HK1: variants seen among roughly 807,000 people sequenced by gnomAD.
The protein encoded by HK1 is hexokinase 1, also known as hexokinase-1.
HK1 carries 28 observed loss-of-function variants against 91.6 expected under a neutral mutation model. The observed-to-expected ratio is 0.31, with a 90% CI of 0.23 to 0.42. HK1 has a LOEUF of 0.42. HK1 is among the 10% of genes least tolerant of loss of function. HK1 has a pLI of 1.00. For synonymous variants in HK1, 430 were observed against 468.1 expected, an observed-to-expected ratio of 0.92 and a Z score of 1.05; for missense variants, 770 against 1,219.8, an observed-to-expected ratio of 0.63 and a Z score of 5.49.
At chr10:69,306,726 T>A (rs1846126382) in intron 5 of HK1, among the ~76,000 whole-genome samples, 2 of 152,150 alleles carry the variant, frequency 1.3e-5, no homozygotes, top group Non-Finnish European at 2.9e-5. Flanking sequence ...CAGTGTACAT[T>A]GTTTGGGTGA....
In HK1 at chr10:69,293,856, T is replaced by C. The variant is rs990282922; in HGVS notation, c.-114-1777T>C. ...CCCGAAGCACAAGCATATTTCTTTCTTTTTTTTTTTTTTTTTTTTTTTTGA... is the reference window on the plus strand; with the variant it reads ...CCCGAAGCACAAGCATATTTCTTTCCTTTTTTTTTTTTTTTTTTTTTTTGA... On this transcript the variant is annotated intron_variant, in intron 3 of 21. Transcript: ENST00000360289. 3.3e-4 allele frequency among the ~76,000 whole-genome samples: 10 copies of C among 30,242 alleles called. 1 individual carries two copies. In the East Asian group the frequency reaches 9.9e-3, roughly 30 times the overall value. 19.8% of individuals were successfully genotyped at this position (30,242 alleles called of 152,430 possible).
At chr10:69,313,495 T>G (rs1846477676), upstream of HK1, among the ~76,000 whole-genome samples, 1 of 152,190 alleles carries the variant, frequency 6.6e-6, no homozygotes, top group Admixed American at 6.5e-5. Flanking sequence ...GGAATTTCGC[T>G]TTTGTGGCCC....
At chr10:69,297,203 T>C (rs537910381) in intron 4 of HK1, among the ~76,000 whole-genome samples, 5 of 152,330 alleles carry the variant, frequency 3.3e-5, no homozygotes, top group Admixed American at 6.5e-5. Context: ...TACAATAAAG[T>C]AAGCTAGAGA....
intron 2 of HK1, among the ~76,000 whole-genome samples, chr10:69,356,291 A>G (rs1194174056): frequency 6.6e-6 from 1 of 151,948 alleles, no homozygotes; most frequent in Non-Finnish European, 1.5e-5. Flanking sequence ...AAAATTAGCC[A>G]GGTGTGGTCG....
chr10:69,364,926 G>T (rs1269351999), intron 4 of HK1, 24 bp downstream of exon 4: 1 of 1,613,800 alleles, frequency 6.2e-7, no homozygotes, highest in African/African-American at 1.3e-5. Context: ...GGGATTATCG[G>T]GCTCTGCAGA....
At chr10:69,322,226 T>A (rs1396950110) in intron 1 of HK1, among the ~76,000 whole-genome samples, 1 of 152,186 alleles carries the variant, frequency 6.6e-6, no homozygotes, top group Non-Finnish European at 1.5e-5. Flanking sequence ...GCCAGTGGAT[T>A]TTCTCTGGGC....
chr10:69,338,941 G>T (rs1050716934), intron 1 of HK1, among the ~76,000 whole-genome samples: 2 of 152,124 alleles, frequency 1.3e-5, no homozygotes, highest in African/African-American at 4.8e-5. Context: ...TTCTGGCAGA[G>T]ATCTGGAGCA....
At chr10:69,309,110 G>C (rs899560199) in intron 5 of HK1, among the ~76,000 whole-genome samples, 10 of 152,132 alleles carry the variant, frequency 6.6e-5, no homozygotes, top group African/African-American at 2.4e-4. Flanking sequence ...AGGAGTTCGA[G>C]ATTGCAGTGA....
At chr10:69,386,208 T>C (rs1013741175) in intron 12 of HK1, 115 bp from the exon 13 acceptor site, 13 of 778,152 alleles carry the variant, frequency 1.7e-5, no homozygotes, top group Non-Finnish European at 2.7e-5. Context: ...TTGAACTCCG[T>C]CTCCGATGTT....
intron 1 of HK1, among the ~76,000 whole-genome samples, chr10:69,282,303 CA>C (rs1844788346): frequency 1.3e-5 from 2 of 152,170 alleles, no homozygotes; most frequent in South Asian, 4.1e-4. Context: ...TCTGTCCCCA[CA>C]CCCAAGGTTT....
In HK1 at chr10:69,380,158, A is replaced by G; in HGVS notation, c.1265+63A>G. On this transcript the variant is annotated intron_variant, in intron 9 of 17. Coordinates refer to ENST00000359426, the MANE Select transcript of HK1 (RefSeq NM_000188.3). This position sits in a 1 kb window ranked among gnomAD's most constrained non-coding sequence, Gnocchi z 4.0. ...CATTGTGGGTAGGGACCTTCTCCAG[A>G]GATCAGACTTTTGTACCCGGTAAAC... The G allele has an allele frequency of 7.4e-7, 1 of 1,354,744 alleles. No individual in the cohort carries two copies. Among genetic ancestry groups the G allele is most frequent in the South Asian group, 1.2e-5 (1 of 85,234 alleles). The allele number at this position is 1,354,744 out of a possible 1,614,324, so 83.9% of individuals were successfully genotyped here. A position where few individuals can be genotyped will look rare whatever the true frequency, so the allele number is the denominator to read the frequency against.
At chr10:69,381,510 G>C (rs1009685333) in intron 9 of HK1, among the ~76,000 whole-genome samples, 5 of 149,738 alleles carry the variant, frequency 3.3e-5, no homozygotes, top group Admixed American at 6.6e-5. Context: ...TTAGATTGTG[G>C]TAAAATACAC....
chr10:69,379,183 C>A (rs1839263542), intron 8 of HK1, among the ~76,000 whole-genome samples: 1 of 151,930 alleles, frequency 6.6e-6, no homozygotes, highest in South Asian at 2.1e-4. Flanking sequence ...AAAAAGATGT[C>A]TGGAGATAAG....
intron 2 of HK1, among the ~76,000 whole-genome samples, chr10:69,288,375 G>A (rs894555628): frequency 2.0e-5 from 3 of 152,144 alleles, no homozygotes; most frequent in Non-Finnish European, 4.4e-5. Context: ...TTAGGAGGCT[G>A]AAGTGGGAGG....
chr10:69,369,649 A>G lies in HK1; in HGVS notation c.875+25A>G, dbSNP rs1849896682. 2.5e-6 allele frequency: 4 copies of G among 1,604,510 alleles called. No individual in the cohort carries two copies. The East Asian group carries it at 8.9e-5, about 36-fold the overall frequency. On this transcript the variant is annotated intron_variant, in intron 7 of 17. Transcript: ENST00000359426. The surrounding 1 kb of genome is among the most constrained non-coding windows in gnomAD (Gnocchi z 4.4). ...TGTGAGTCCTTGACTTTTGCTTCTA[A>G]CCACATATGTGAGTTAGGGGACATT...
intron 1 of HK1, among the ~76,000 whole-genome samples, chr10:69,321,386 C>G (rs920582318): frequency 1.3e-5 from 2 of 152,216 alleles, no homozygotes; most frequent in Non-Finnish European, 2.9e-5. Flanking sequence ...GCTCTTTCCA[C>G]GTACCACTCA....
intron 17 of HK1, 38 bp downstream of exon 17, chr10:69,398,866 T>C (rs544379879): frequency 5.9e-6 from 9 of 1,512,732 alleles, no homozygotes; most frequent in Non-Finnish European, 8.2e-6. Context: ...CAGAGCTTGC[T>C]GGGATCCCTT....
chr10:69,320,310 G>A (rs1212522848), intron 1 of HK1, among the ~76,000 whole-genome samples: 1 of 152,140 alleles, frequency 6.6e-6, no homozygotes, highest in Non-Finnish European at 1.5e-5. Context: ...TGGGGACCCT[G>A]CCGTGATCTT....
intron 1 of HK1, among the ~76,000 whole-genome samples, chr10:69,325,820 A>G (rs1847330397): frequency 6.7e-6 from 1 of 150,162 alleles, no homozygotes; most frequent in Non-Finnish European, 1.5e-5. Flanking sequence ...TACGGGTGCC[A>G]GCTACTGCCT....
Sources: gnomAD v4.1 joint callset for allele counts (sites outside exome capture counted in the v4.1 genomes callset) on GRCh38, gnomAD v4.1.1 for gene constraint, Gnocchi (gnomAD v3.1) non-coding constraint, MANE v1.5 for transcripts, NCBI Gene and HGNC (gene_info 2026-07-23, HGNC 2026-07-21) for gene names.